PNLIPRP3: variants seen among roughly 807,000 people sequenced by gnomAD.
PNLIPRP3 encodes the protein pancreatic lipase related protein 3, also known as pancreatic lipase-related protein 3.
PNLIPRP3 carries 58 observed loss-of-function variants against 52.8 expected under a neutral mutation model. That is an observed-to-expected ratio of 1.10 (90% CI 0.89 to 1.37). The LOEUF is 1.37. Among genes scored for constraint, PNLIPRP3 ranks in the 40% most tolerant of loss-of-function variants. PNLIPRP3 has a pLI of 0.00. For missense variants in PNLIPRP3, 593 were observed against 561.6 expected, an observed-to-expected ratio of 1.06 and a Z score of -0.57; for synonymous variants, 192 against 185.0, an observed-to-expected ratio of 1.04 and a Z score of -0.31.
intron 2 of PNLIPRP3, among the ~76,000 whole-genome samples, chr10:116,439,028 C>T (rs1032321644): frequency 1.3e-5 from 2 of 152,062 alleles, no homozygotes; most frequent in Non-Finnish European, 2.9e-5. Flanking sequence ...ATATCTGGAG[C>T]AGGTAATGGA....
At chr10:116,448,038 GAA>G (rs1845979697) in intron 4 of PNLIPRP3, among the ~76,000 whole-genome samples, 1 of 149,002 alleles carries the variant, frequency 6.7e-6, no homozygotes, top group East Asian at 2.0e-4. Context: ...AAGAAAGAAA[GAA>G]AGAGAAAGAA....
At chr10:116,432,869 C>T (rs1459489852) in intron 1 of PNLIPRP3, among the ~76,000 whole-genome samples, 3 of 151,944 alleles carry the variant, frequency 2.0e-5, no homozygotes, top group African/African-American at 7.3e-5. Flanking sequence ...AATCCCAGCA[C>T]TTTGGGAGGT....
chr10:116,431,895 T>A (rs979024138), intron 1 of PNLIPRP3, among the ~76,000 whole-genome samples: 4 of 152,040 alleles, frequency 2.6e-5, no homozygotes, highest in Non-Finnish European at 5.9e-5. Flanking sequence ...GTCCCACACA[T>A]CTGCATGCGG....
chr10:116,431,046 A>T (rs933122815), intron 1 of PNLIPRP3, among the ~76,000 whole-genome samples: 1 of 152,306 alleles, frequency 6.6e-6, no homozygotes, highest in East Asian at 1.9e-4. Context: ...CTCTGGCCAA[A>T]ACACCTTGCA....
intron 8 of PNLIPRP3, 114 bp from the exon 9 acceptor site, chr10:116,469,071 A>G: frequency 2.7e-6 from 3 of 1,098,694 alleles, no homozygotes; most frequent in South Asian, 3.9e-5. Context: ...TTTAAAATGC[A>G]TATCCTTTAT....
chr10:116,474,156 T>A (rs957066741), intron 10 of PNLIPRP3, among the ~76,000 whole-genome samples: 1 of 152,082 alleles, frequency 6.6e-6, no homozygotes, highest in East Asian at 1.9e-4. Context: ...CCTATAGCTA[T>A]CTGATCTCTG....
intron 8 of PNLIPRP3, among the ~76,000 whole-genome samples, chr10:116,467,911 G>A (rs1193820941): frequency 3.3e-5 from 5 of 151,830 alleles, no homozygotes; most frequent in Non-Finnish European, 7.4e-5. Context: ...GGATCACTAG[G>A]TCAGGAGATC....
chr10:116,458,006 CACAA>C (rs1004593438), intron 5 of PNLIPRP3, among the ~76,000 whole-genome samples: 23 of 152,018 alleles, frequency 1.5e-4, no homozygotes, highest in African/African-American at 4.6e-4. Flanking sequence ...ACTGAGACCT[CACAA>C]ACAGATTTTA....
intron 1 of PNLIPRP3, among the ~76,000 whole-genome samples, chr10:116,430,510 G>A (rs1845696234): frequency 6.6e-6 from 1 of 152,124 alleles, no homozygotes; most frequent in Non-Finnish European, 1.5e-5. Flanking sequence ...GTGAAGTGTT[G>A]GGTTTAACCA....
intron 11 of PNLIPRP3, 52 bp downstream of exon 11, chr10:116,476,871 T>C: frequency 6.8e-6 from 10 of 1,467,558 alleles, no homozygotes; most frequent in East Asian, 2.3e-5. Flanking sequence ...TTATAAATGG[T>C]GTTTAAACCC....
chr10:116,439,774 G>A lies in PNLIPRP3; in HGVS notation c.204+2909G>A, dbSNP rs187047992. On this transcript the variant is annotated intron_variant, in intron 2 of 11. Transcript: ENST00000369230. ...GAATCCAGACGGTGGCCTTTTAGGGGCATTAGGATCCTTCTTCTTGCCTCC... is the reference window on the plus strand; with the variant it reads ...GAATCCAGACGGTGGCCTTTTAGGGACATTAGGATCCTTCTTCTTGCCTCC... 2.7e-4 allele frequency: 206 copies of A among 771,614 alleles called. No individual in the cohort carries two copies. The African/African-American group carries it at 3.0e-3, about 11-fold the overall frequency. The allele number at this position is 771,614 out of a possible 1,614,324, so 47.8% of individuals were successfully genotyped here.
intron 4 of PNLIPRP3, among the ~76,000 whole-genome samples, chr10:116,446,302 C>T (rs928590273): frequency 1.7e-4 from 22 of 132,002 alleles, no homozygotes; most frequent in Admixed American, 1.7e-3. Context: ...GCCGAGATGG[C>T]GCCGCTGCAC....
At chr10:116,468,070 A>G (rs886793677) in intron 8 of PNLIPRP3, among the ~76,000 whole-genome samples, 1 of 135,776 alleles carries the variant, frequency 7.4e-6, no homozygotes, top group African/African-American at 2.8e-5. Flanking sequence ...GCTTGCAGTG[A>G]GCCAAGATCG....
At chr10:116,453,081 G>A (rs542636349) in intron 4 of PNLIPRP3, among the ~76,000 whole-genome samples, 1 of 152,332 alleles carries the variant, frequency 6.6e-6, no homozygotes, top group Admixed American at 6.5e-5. Context: ...AAGCCACAGG[G>A]GCAGGGCTGC....
At position 116,457,074 on chromosome 10, in the gene PNLIPRP3, G is replaced by T. The variant is rs569568291; in HGVS notation, c.565+1244G>T. Among the ~76,000 whole-genome samples the T allele has an allele frequency of 1.1e-4, 16 of 152,322 alleles. No homozygotes were observed. In the East Asian group the frequency reaches 2.9e-3, roughly 28 times the overall value. ...TTTTTCATGCTCTGTGCCTTTGCACGTGCTGTTGTCCCTCTTGCTGAGCAT... is the reference window on the plus strand; with the variant it reads ...TTTTTCATGCTCTGTGCCTTTGCACTTGCTGTTGTCCCTCTTGCTGAGCAT... On this transcript the variant is annotated intron_variant, in intron 5 of 11. Coordinates refer to ENST00000369230, the MANE Select transcript of PNLIPRP3 (RefSeq NM_001011709.3).
intron 4 of PNLIPRP3, among the ~76,000 whole-genome samples, chr10:116,447,379 C>T (rs1351950212): frequency 6.6e-6 from 1 of 152,092 alleles, no homozygotes; most frequent in East Asian, 1.9e-4. Context: ...GCAGAGGTGG[C>T]TATTTTTTCT....
At chr10:116,460,407 G>T (rs1213950171) in intron 5 of PNLIPRP3, among the ~76,000 whole-genome samples, 1 of 152,206 alleles carries the variant, frequency 6.6e-6, no homozygotes, top group Non-Finnish European at 1.5e-5. Flanking sequence ...TGGGATGAGA[G>T]TCTGGACACC....
At chr10:116,453,345 A>G (rs1351137726) in intron 4 of PNLIPRP3, among the ~76,000 whole-genome samples, 1 of 152,158 alleles carries the variant, frequency 6.6e-6, no homozygotes, top group Non-Finnish European at 1.5e-5. Flanking sequence ...CTTGGCCTTG[A>G]GTCTCAGATG....
chr10:116,431,590 T>A (rs1354840595), intron 1 of PNLIPRP3, among the ~76,000 whole-genome samples: 3 of 152,216 alleles, frequency 2.0e-5, no homozygotes, highest in African/African-American at 4.8e-5. Context: ...CGATCCCACA[T>A]AATTTAATCT....
Sources: allele counts gnomAD v4.1 joint callset (sites outside exome capture counted in the v4.1 genomes callset), GRCh38; gene constraint gnomAD v4.1.1; transcripts MANE v1.5; gene names NCBI Gene and HGNC (gene_info 2026-07-23, HGNC 2026-07-21).